TNFSF13B: variants seen among roughly 807,000 people sequenced by gnomAD.
The protein encoded by TNFSF13B is TNF superfamily member 13b.
TNFSF13B carries 8 observed loss-of-function variants against 29.1 expected under a neutral mutation model. The observed-to-expected ratio is 0.27, with a 90% CI of 0.16 to 0.50. The LOEUF is 0.50. Ranked by LOEUF, TNFSF13B falls within the 20% of genes least tolerant of loss-of-function variation. The pLI is 0.98. For synonymous variants in TNFSF13B, 125 were observed against 130.8 expected, an observed-to-expected ratio of 0.96 and a Z score of 0.30; for missense variants, 248 against 334.9, an observed-to-expected ratio of 0.74 and a Z score of 2.03.
intron 2 of TNFSF13B, among the ~76,000 whole-genome samples, chr13:108,282,544 A>G (rs1285429827): frequency 6.6e-6 from 1 of 152,214 alleles, no homozygotes; most frequent in Non-Finnish European, 1.5e-5. Context: ...CTAATTGTGA[A>G]GTATTGAATT....
At chr13:108,299,901 A>G (rs1881565571) in intron 3 of TNFSF13B, among the ~76,000 whole-genome samples, 1 of 152,188 alleles carries the variant, frequency 6.6e-6, no homozygotes, top group African/African-American at 2.4e-5. Context: ...ATGTTAAGAG[A>G]CAGTAAGAAT....
At chr13:108,280,572 A>G (rs1201865417) in intron 2 of TNFSF13B, among the ~76,000 whole-genome samples, 1 of 152,226 alleles carries the variant, frequency 6.6e-6, no homozygotes, top group Non-Finnish European at 1.5e-5. Context: ...TTCCAAGAAT[A>G]TATTATTAAT....
At chr13:108,291,140 G>C (rs1202047288) in intron 3 of TNFSF13B, among the ~76,000 whole-genome samples, 1 of 150,648 alleles carries the variant, frequency 6.6e-6, no homozygotes, top group Non-Finnish European at 1.5e-5. Context: ...ATGGCATTTT[G>C]GTTACTAGGG....
chr13:108,306,938 A>T lies in TNFSF13B; in HGVS notation c.858A>T (p.Ter286CysextTer52). ...VTFFGALKLL[*>C] ...TTTTTGGTGCATTGAAACTGCTGTG[A>T]CCTACTTACACCATGTCTGTAGCTA... Residue 286 changes from the stop codon to cysteine, a stop_lost, in exon 6 of 6, where the codon TGA (stop) becomes TGT (cysteine). Coordinates refer to ENST00000375887, the MANE Select transcript of TNFSF13B (RefSeq NM_006573.5). 1 of 1,524,058 alleles carries T rather than the reference A, an allele frequency of 6.6e-7. No homozygotes were observed. Among genetic ancestry groups the T allele is most frequent in the Non-Finnish European group, 8.9e-7 (1 of 1,120,586 alleles). 94.4% of individuals were successfully genotyped at this position (1,524,058 alleles called of 1,614,324 possible).
At chr13:108,282,938 G>A (rs1398203818) in intron 2 of TNFSF13B, among the ~76,000 whole-genome samples, 1 of 152,176 alleles carries the variant, frequency 6.6e-6, no homozygotes, top group African/African-American at 2.4e-5. Flanking sequence ...AAAGGCATTT[G>A]AGAACCAAAC....
chr13:108,283,014 A>G (rs1881002205), intron 2 of TNFSF13B, among the ~76,000 whole-genome samples: 1 of 152,190 alleles, frequency 6.6e-6, no homozygotes, highest in Non-Finnish European at 1.5e-5. Context: ...GCATTTTCAA[A>G]ACTCTTGTGG....
At chr13:108,283,763 A>G (rs1034268624) in intron 2 of TNFSF13B, among the ~76,000 whole-genome samples, 78 of 152,288 alleles carry the variant, frequency 5.1e-4, no homozygotes, top group African/African-American at 1.8e-3. Flanking sequence ...GTATCTGATG[A>G]GGACTTGCTT....
intron 3 of TNFSF13B, among the ~76,000 whole-genome samples, chr13:108,298,627 A>C (rs1289642933): frequency 6.9e-6 from 1 of 144,814 alleles, no homozygotes; most frequent in Non-Finnish European, 1.5e-5. Flanking sequence ...TTGCTTCTCT[A>C]TATATTCTTT....
At chr13:108,283,247 G>T (rs1161197334) in intron 2 of TNFSF13B, among the ~76,000 whole-genome samples, 1 of 152,210 alleles carries the variant, frequency 6.6e-6, no homozygotes, top group Non-Finnish European at 1.5e-5. Context: ...AATTGCCTTG[G>T]AAAAGTCGAG....
intron 2 of TNFSF13B, among the ~76,000 whole-genome samples, chr13:108,280,984 C>A (rs1407236695): frequency 6.6e-6 from 1 of 152,128 alleles, no homozygotes; most frequent in Non-Finnish European, 1.5e-5. Flanking sequence ...AGGTAGCTCA[C>A]ACCTCTAATG....
At chr13:108,297,174 A>G (rs1881477845) in intron 3 of TNFSF13B, among the ~76,000 whole-genome samples, 1 of 145,454 alleles carries the variant, frequency 6.9e-6, no homozygotes, top group Non-Finnish European at 1.5e-5. Context: ...ATTTGAGAAC[A>G]TCTTAATTTT....
chr13:108,278,488 T>C (rs1262446301), intron 2 of TNFSF13B, among the ~76,000 whole-genome samples: 1 of 150,372 alleles, frequency 6.7e-6, no homozygotes, highest in Non-Finnish European at 1.5e-5. Flanking sequence ...CTTTATATTA[T>C]CCCTTTCCTC....
rs1384771109 is a variant in TNFSF13B at position 108,296,374 on chromosome 13, T to G, written c.482-6879T>G. Among the ~76,000 whole-genome samples the G allele has an allele frequency of 2.1e-5, 3 of 145,976 alleles. 1 individual carries two copies. The highest frequency in any genetic ancestry group is 4.6e-5 in the Non-Finnish European group (3 of 65,618). On this transcript the variant is annotated intron_variant, in intron 3 of 5. Transcript: ENST00000375887. The stretch of plus-strand genomic sequence containing the variant: ...ATAAAAATTTTTGGCTTAACATGTA[T>G]TTATTCTGATATCAGTATTAGCCAT...
intron 3 of TNFSF13B, among the ~76,000 whole-genome samples, chr13:108,295,348 T>C (rs549436490): frequency 6.9e-6 from 1 of 144,160 alleles, no homozygotes; most frequent in South Asian, 2.2e-4. Context: ...CTATTTTTAT[T>C]TATTTATTTA....
intron 5 of TNFSF13B, among the ~76,000 whole-genome samples, chr13:108,305,551 T>G (rs1301202568): frequency 6.6e-6 from 1 of 152,154 alleles, no homozygotes; most frequent in Non-Finnish European, 1.5e-5. Flanking sequence ...TGTTAGGTCA[T>G]TTCCAATCTC....
intron 2 of TNFSF13B, among the ~76,000 whole-genome samples, chr13:108,271,470 A>T (rs1880612426): frequency 6.6e-6 from 1 of 151,328 alleles, no homozygotes. Context: ...ACACACACAC[A>T]CACACACACA....
intron 2 of TNFSF13B, among the ~76,000 whole-genome samples, chr13:108,277,982 C>T (rs1008646702): frequency 5.9e-5 from 9 of 152,150 alleles, no homozygotes; most frequent in Admixed American, 1.3e-4. Flanking sequence ...TTTTACCCAG[C>T]TCCTATCCAA....
intron 2 of TNFSF13B, among the ~76,000 whole-genome samples, chr13:108,276,417 C>T (rs1480223327): frequency 6.6e-6 from 1 of 152,202 alleles, no homozygotes; most frequent in Non-Finnish European, 1.5e-5. Flanking sequence ...CCAACCAAAT[C>T]TTTGACCTGT....
At chr13:108,275,031 A>C (rs997537595) in intron 2 of TNFSF13B, among the ~76,000 whole-genome samples, 1 of 152,170 alleles carries the variant, frequency 6.6e-6, no homozygotes, top group East Asian at 1.9e-4. Context: ...CCAAAATCTC[A>C]TTAAGCTTAA....
Sources: gnomAD v4.1 joint callset for allele counts (sites outside exome capture counted in the v4.1 genomes callset) on GRCh38, gnomAD v4.1.1 for gene constraint, MANE v1.5 for transcripts, NCBI Gene and HGNC (gene_info 2026-07-23, HGNC 2026-07-21) for gene names.